Variants in PKD1L3 observed in about 807,000 individuals in gnomAD.
The protein encoded by PKD1L3 is polycystin 1 like 3, transient receptor potential channel interacting.
A neutral mutation model predicts 184.1 loss-of-function variants in PKD1L3; 239 were observed. The observed-to-expected ratio is 1.30, with a 90% CI of 1.17 to 1.45. The LOEUF is 1.45. PKD1L3 is among the 40% of genes most tolerant of loss of function. The pLI, the probability that PKD1L3 is intolerant of heterozygous loss-of-function variation, is 0.00. For synonymous variants in PKD1L3, 996 were observed against 778.8 expected, an observed-to-expected ratio of 1.28 and a Z score of -4.64; for missense variants, 2,660 against 2,067.2, an observed-to-expected ratio of 1.29 and a Z score of -5.56.
At chr16:71,936,495 G>C (rs1201080205) in intron 25 of PKD1L3, among the ~76,000 whole-genome samples, 5 of 149,344 alleles carry the variant, frequency 3.3e-5, no homozygotes, top group Admixed American at 6.7e-5. Flanking sequence ...GAGCCACTGT[G>C]CCTGGCCAAT....
intron 25 of PKD1L3, 57 bp downstream of exon 25, chr16:71,937,235 G>C: frequency 6.6e-7 from 1 of 1,507,116 alleles, no homozygotes. Flanking sequence ...TTTGTAGTCT[G>C]GTAAAGATGA....
At chr16:71,963,463 T>C (rs1435492082) in intron 15 of PKD1L3, 112 bp from the exon 16 acceptor site, 6 of 1,164,690 alleles carry the variant, frequency 5.2e-6, no homozygotes, top group Non-Finnish European at 6.9e-6. Flanking sequence ...AACTGTTTCA[T>C]TGCAAGGCAA....
chr16:71,998,413 C>G lies in PKD1L3; in HGVS notation c.296-19G>C. On this transcript the variant is annotated intron_variant, in intron 1 of 29. Coordinates refer to ENST00000620267, the MANE Select transcript of PKD1L3 (RefSeq NM_181536.2). ...ACGTCTGCTGAGGGGAGATCAGACG[C>G]AGATGAGCCTCATACTCGAAAGCCA... 1 of 1,539,076 alleles carries G rather than the reference C, an allele frequency of 6.5e-7. No individual in the cohort carries two copies. Among genetic ancestry groups the G allele is most frequent in the Non-Finnish European group, 8.7e-7 (1 of 1,144,436 alleles).
rs368635205 is a variant in PKD1L3, at chr16:71,942,632, G to C, written c.4252C>G (p.Leu1418Val). The part of the protein sequence containing the change: ...SYICSPRPMV[L>V]IPTDELHERL... ...TCGTGAAGCTCATCAGTGGGAATCA[G>C]CACCATGGGCCTGGGTGAACAGATG... The change falls in exon 24 of 30, where the codon CTG (leucine) becomes GTG (valine). Residue 1418 changes from leucine to valine, a missense_variant. Coordinates refer to ENST00000620267, the MANE Select transcript of PKD1L3 (RefSeq NM_181536.2). 6 of 1,551,728 alleles carry C rather than the reference G, an allele frequency of 3.9e-6. No individual in the cohort carries two copies. In the African/African-American group the frequency reaches 4.1e-5, roughly 11 times the overall value.
intron 1 of PKD1L3, among the ~76,000 whole-genome samples, chr16:71,999,187 C>T (rs1379937755): frequency 1.3e-5 from 2 of 150,690 alleles, no homozygotes; most frequent in East Asian, 2.0e-4. Flanking sequence ...AGGAGAATGG[C>T]GTGAACCCGG....
At chr16:71,997,869 G>A (rs115045983) in intron 2 of PKD1L3, among the ~76,000 whole-genome samples, 4 of 152,196 alleles carry the variant, frequency 2.6e-5, no homozygotes, top group African/African-American at 7.2e-5. Context: ...GGCGAACCTC[G>A]GATAACAGCC....
At chr16:71,991,527 T>G (rs2040589896) in intron 3 of PKD1L3, among the ~76,000 whole-genome samples, 6 of 152,146 alleles carry the variant, frequency 3.9e-5, no homozygotes, top group Admixed American at 3.9e-4. Flanking sequence ...GAAAAATTAG[T>G]CCCTGATATG....
At chr16:71,990,172 A>G (rs1322236258) in intron 4 of PKD1L3, 108 bp downstream of exon 4, 16 of 891,878 alleles carry the variant, frequency 1.8e-5, no homozygotes, top group Non-Finnish European at 2.3e-5. Context: ...TTTCCTTATT[A>G]GAAAACTATA....
In PKD1L3 at chr16:71,971,228, G is replaced by A. The variant is rs528182488; in HGVS notation, c.1954-1123C>T. Among the ~76,000 whole-genome samples, 6 of 152,312 alleles carry A rather than the reference G, an allele frequency of 3.9e-5. No individual in the cohort carries two copies. The South Asian group carries it at 1.2e-3, about 32-fold the overall frequency. On this transcript the variant is annotated intron_variant, in intron 12 of 29. Transcript: ENST00000620267. ...GTTTTATTATTTAAGAAAATATGAAGCAGAGCAAAATACTAACTTTGATAA... is the reference window on the plus strand; with the variant it reads ...GTTTTATTATTTAAGAAAATATGAAACAGAGCAAAATACTAACTTTGATAA...
Position 71,949,962 on chromosome 16 carries a change from T to G in PKD1L3, c.3439A>C (p.Asn1147His). 1.3e-6 allele frequency: 2 copies of G among 1,551,502 alleles called. No individual in the cohort carries two copies. Among genetic ancestry groups the G allele is most frequent in the Non-Finnish European group, 1.7e-6 (2 of 1,146,978 alleles). ...GAAGTCAACCATTTGGACAGGCCAT[T>G]TGAGATGGGCTTTTTTCCTTCTTCT... ...SSEEGKKPISNGLSKWLTSVC... is the reference protein window; with the variant it reads ...SSEEGKKPISHGLSKWLTSVC... The change falls in exon 21 of 30, where the codon AAT (asparagine) becomes CAT (histidine). Residue 1147 changes from asparagine to histidine, a missense_variant. By Grantham distance (68) the Asn-to-His change is moderately conservative (BLOSUM62 1). Coordinates refer to ENST00000620267, the MANE Select transcript of PKD1L3 (RefSeq NM_181536.2).
chr16:71,970,111 A>T lies in PKD1L3; in HGVS notation c.1954-6T>A, dbSNP rs1478575718. ...ATTGTGCTCTGTGGCCCAACCTGGAATTAGAATCAAGACGTTGATTCTAGT... is the reference window on the plus strand; with the variant it reads ...ATTGTGCTCTGTGGCCCAACCTGGATTTAGAATCAAGACGTTGATTCTAGT... On this transcript the variant is annotated splice_polypyrimidine_tract_variant and splice_region_variant and intron_variant, in intron 12 of 29. Transcript: ENST00000620267. 5.8e-6 allele frequency: 9 copies of T among 1,549,174 alleles called. No homozygotes were observed. In the East Asian group the frequency reaches 1.7e-4, roughly 29 times the overall value.
At chr16:71,943,620 C>G (rs2038447836) in intron 23 of PKD1L3, among the ~76,000 whole-genome samples, 1 of 151,318 alleles carries the variant, frequency 6.6e-6, no homozygotes, top group South Asian at 2.1e-4. Flanking sequence ...CACTCTGTCT[C>G]TCATGTGATT....
intron 12 of PKD1L3, 40 bp from the exon 13 acceptor site, chr16:71,970,145 G>C (rs760518467): frequency 6.8e-7 from 1 of 1,475,534 alleles, no homozygotes; most frequent in South Asian, 1.2e-5. Context: ...GTCAGACAGA[G>C]TGCTAAGGAG....
intron 24 of PKD1L3, 132 bp downstream of exon 24, chr16:71,942,428 G>A: frequency 1.4e-6 from 1 of 696,506 alleles, no homozygotes; most frequent in Non-Finnish European, 2.4e-6. Context: ...GGAGATGTAA[G>A]TCTCCAACAA....
intron 15 of PKD1L3, 140 bp from the exon 16 acceptor site, chr16:71,963,491 G>T: frequency 1.1e-6 from 1 of 924,788 alleles, no homozygotes. Context: ...GGAAAGGAAA[G>T]AAAGTTGAGG....
chr16:71,959,691 T>G (rs993337331), intron 16 of PKD1L3, among the ~76,000 whole-genome samples: 1 of 151,902 alleles, frequency 6.6e-6, no homozygotes, highest in Non-Finnish European at 1.5e-5. Context: ...GGAGAAAAAG[T>G]GTGTTAAAAA....
intron 15 of PKD1L3, among the ~76,000 whole-genome samples, chr16:71,965,081 C>T (rs181587102): frequency 1.3e-5 from 2 of 152,210 alleles, no homozygotes. Flanking sequence ...CTCCTGACCT[C>T]AAGTGATCTA....
chr16:71,935,796 GTT>G (rs746567891), intron 25 of PKD1L3, among the ~76,000 whole-genome samples: 15 of 152,130 alleles, frequency 9.9e-5, no homozygotes, highest in Non-Finnish European at 1.8e-4. Flanking sequence ...TAATACAAAA[GTT>G]TCTTTCTTTG....
In PKD1L3 at chr16:71,999,902, G is replaced by T. The variant is rs72787027; in HGVS notation, c.77C>A (p.Pro26Gln). 0.18 allele frequency: 271,966 copies of T among 1,551,428 alleles called. 25,983 individuals are homozygous for T. The highest frequency in any genetic ancestry group is 0.19 in the Non-Finnish European group (217,822 of 1,146,810). ...ACAATTATTTTGCCCATGTGGTGCT[G>T]GGCTGTTTAGCTCACTTCCTAGAAT... ...SIILGSELNS[P>Q]APHGQNNCYQ... The change falls in exon 1 of 30, where the codon CCA becomes CAA. Residue 26 changes from proline to glutamine, a missense_variant. Physicochemically the swap from Pro to Gln is moderately conservative, Grantham distance 76 (BLOSUM62 -1). Transcript: ENST00000620267.
Sources: allele counts gnomAD v4.1 joint callset (sites outside exome capture counted in the v4.1 genomes callset), GRCh38; gene constraint gnomAD v4.1.1; transcripts MANE v1.5; gene names NCBI Gene and HGNC (gene_info 2026-07-23, HGNC 2026-07-21).